The following GRIK2 variants were observed in gnomAD, a reference collection of about 807,000 sequenced individuals.
GRIK2 encodes the protein glutamate ionotropic receptor kainate type subunit 2.
A neutral mutation model predicts 100.3 loss-of-function variants in GRIK2; 32 were observed. The observed-to-expected ratio is 0.32, with a 90% CI of 0.24 to 0.43. The LOEUF is 0.43. Ranked by LOEUF, GRIK2 falls within the 20% of genes least tolerant of loss-of-function variation. The pLI is 1.00. For synonymous variants in GRIK2, 417 were observed against 389.4 expected, an observed-to-expected ratio of 1.07 and a Z score of -0.83; for missense variants, 843 against 1,114.9, an observed-to-expected ratio of 0.76 and a Z score of 3.47.
At chr6:101,792,931 T>C (rs1779990165) in intron 7 of GRIK2, among the ~76,000 whole-genome samples, 1 of 152,160 alleles carries the variant, frequency 6.6e-6, no homozygotes, top group Admixed American at 6.5e-5. Flanking sequence ...TTCTCTAAAC[T>C]TCCCTTCTCG....
At chr6:101,800,806 G>C (rs1780622090) in intron 8 of GRIK2, among the ~76,000 whole-genome samples, 1 of 152,002 alleles carries the variant, frequency 6.6e-6, no homozygotes, top group African/African-American at 2.4e-5. Context: ...CTGGCGAGAT[G>C]AAGAATTGAT....
At chr6:101,699,088 C>T (rs761283847) in intron 7 of GRIK2, among the ~76,000 whole-genome samples, 1 of 152,122 alleles carries the variant, frequency 6.6e-6, no homozygotes, top group African/African-American at 2.4e-5. Flanking sequence ...CATATGTACT[C>T]TATTCAAGCT....
chr6:101,923,135 G>A (rs997698109), intron 12 of GRIK2, among the ~76,000 whole-genome samples: 15 of 152,078 alleles, frequency 9.9e-5, no homozygotes, highest in Non-Finnish European at 2.2e-4. Context: ...AGATGAAAAT[G>A]ATTTGTTTAA....
intron 11 of GRIK2, among the ~76,000 whole-genome samples, chr6:101,863,869 G>A (rs552047384): frequency 6.6e-6 from 1 of 152,188 alleles, no homozygotes; most frequent in East Asian, 1.9e-4. Flanking sequence ...CGGGCGCGGT[G>A]GCTCACGCCT....
chr6:101,783,033 T>G (rs1191418064), intron 7 of GRIK2, among the ~76,000 whole-genome samples: 2 of 151,962 alleles, frequency 1.3e-5, no homozygotes, highest in East Asian at 3.9e-4. Flanking sequence ...ATTTTTTTTG[T>G]ATTTTTAGTA....
intron 2 of GRIK2, among the ~76,000 whole-genome samples, chr6:101,438,694 G>A (rs1434561005): frequency 1.3e-5 from 2 of 151,916 alleles, no homozygotes; most frequent in Non-Finnish European, 2.9e-5. Context: ...ATATATATAA[G>A]GTAAGATTTC....
chr6:101,775,490 T>C (rs1778680828), intron 7 of GRIK2, among the ~76,000 whole-genome samples: 1 of 151,730 alleles, frequency 6.6e-6, no homozygotes, highest in Non-Finnish European at 1.5e-5. Context: ...ATGACACACA[T>C]GTAGAGACAA....
At chr6:101,845,831 A>G (rs1783775049) in intron 10 of GRIK2, among the ~76,000 whole-genome samples, 1 of 152,122 alleles carries the variant, frequency 6.6e-6, no homozygotes, top group African/African-American at 2.4e-5. Flanking sequence ...TGTTACTTTC[A>G]TTTTTAAAAT....
chr6:101,749,810 T>C (rs983628595), intron 7 of GRIK2, among the ~76,000 whole-genome samples: 3 of 141,952 alleles, frequency 2.1e-5, no homozygotes, highest in Middle Eastern at 3.5e-3. Flanking sequence ...TTTCTTTTTT[T>C]TTTTTTTTTT....
intron 11 of GRIK2, among the ~76,000 whole-genome samples, chr6:101,872,893 C>T (rs899523782): frequency 4.6e-5 from 7 of 151,686 alleles, no homozygotes; most frequent in South Asian, 2.1e-4. Flanking sequence ...ATTTATGAGC[C>T]GAGCTTTATG....
At chr6:101,951,622 GA>G (rs1791611902) in intron 14 of GRIK2, among the ~76,000 whole-genome samples, 1 of 152,292 alleles carries the variant, frequency 6.6e-6, no homozygotes, top group Admixed American at 6.5e-5. Flanking sequence ...CGTGTCATGG[GA>G]GGGAACCAGT....
chr6:101,395,925 G>GA lies in GRIK2; in HGVS notation c.-294+2095dup, dbSNP rs369457774. Among the ~76,000 whole-genome samples the GA allele has an allele frequency of 1.6e-4, 25 of 151,856 alleles. 1 individual carries two copies. Among genetic ancestry groups the GA allele is most frequent in the African/African-American group, 5.5e-4 (23 of 41,470 alleles). On this transcript the variant is annotated intron_variant, in intron 1 of 16. Transcript: ENST00000369134. Reference sequence around the variant, plus strand: ...AAGAGTGCCATATGGTTAAAATGAGGAAAAAAATGAGACCATAGAATAAAA... The same window carrying GA: ...AAGAGTGCCATATGGTTAAAATGAGGAAAAAAAATGAGACCATAGAATAAAA...
At chr6:102,000,183 C>G (rs1001697314) in intron 14 of GRIK2, among the ~76,000 whole-genome samples, 1 of 148,376 alleles carries the variant, frequency 6.7e-6, no homozygotes, top group Admixed American at 6.7e-5. Flanking sequence ...CCTCAATTTT[C>G]TGGAATAGTT....
chr6:101,460,464 A>G (rs1315218961), intron 2 of GRIK2, among the ~76,000 whole-genome samples: 1 of 152,242 alleles, frequency 6.6e-6, no homozygotes, highest in African/African-American at 2.4e-5. Flanking sequence ...TTGGTAATGT[A>G]ACACAAGTTG....
intron 10 of GRIK2, among the ~76,000 whole-genome samples, chr6:101,836,823 G>A (rs574483836): frequency 4.0e-5 from 6 of 151,310 alleles, no homozygotes; most frequent in Admixed American, 2.0e-4. Flanking sequence ...ACGCCACCAC[G>A]CCTGGCTAAT....
At chr6:101,394,222 C>T (rs1303281155) in intron 1 of GRIK2, among the ~76,000 whole-genome samples, 1 of 152,152 alleles carries the variant, frequency 6.6e-6, no homozygotes. Flanking sequence ...TGACGAACTC[C>T]CCATCCCTCC....
intron 3 of GRIK2, among the ~76,000 whole-genome samples, chr6:101,625,238 T>A (rs1227017696): frequency 1.3e-5 from 2 of 151,930 alleles, no homozygotes; most frequent in East Asian, 3.9e-4. Flanking sequence ...CCAGGCTTGG[T>A]GGCATGTGCC....
At position 102,061,610 on chromosome 6, in the gene GRIK2, C is replaced by T. The variant is rs1366143749; in HGVS notation, c.2562+6030C>T. 1.3e-5 allele frequency among the ~76,000 whole-genome samples: 2 copies of T among 150,480 alleles called. 1 individual carries two copies. Among genetic ancestry groups the T allele is most frequent in the Non-Finnish European group, 3.0e-5 (2 of 66,886 alleles). Reference sequence around the variant, plus strand: ...AGCATGAGTTATGGAATTAAAAAGACTTGGAAACATAACTTTGTTTAACCT... The same window carrying T: ...AGCATGAGTTATGGAATTAAAAAGATTTGGAAACATAACTTTGTTTAACCT... On this transcript the variant is annotated intron_variant, in intron 16 of 16. Coordinates refer to ENST00000369134, the MANE Select transcript of GRIK2 (RefSeq NM_021956.5).
intron 7 of GRIK2, among the ~76,000 whole-genome samples, chr6:101,748,531 T>C (rs2097767462): frequency 6.6e-6 from 1 of 152,060 alleles, no homozygotes; most frequent in East Asian, 1.9e-4. Context: ...TATGGTTCAA[T>C]TTAGGTAGTA....
Sources: gnomAD v4.1 joint callset for allele counts (sites outside exome capture counted in the v4.1 genomes callset) on GRCh38, gnomAD v4.1.1 for gene constraint, MANE v1.5 for transcripts, NCBI Gene and HGNC (gene_info 2026-07-23, HGNC 2026-07-21) for gene names.